Variants in ZNF236 observed in about 807,000 individuals in gnomAD.
ZNF236 encodes regulated by glucose.
Under a neutral mutation model 191.2 loss-of-function variants are expected in ZNF236, and 50 were observed. That is an observed-to-expected ratio of 0.26 (90% CI 0.21 to 0.33). The LOEUF is 0.33. ZNF236 is among the 10% of genes least tolerant of loss of function. ZNF236 has a pLI of 1.00. For missense variants in ZNF236, 1,754 were observed against 2,374.5 expected (o/e 0.74, Z 5.43); for synonymous variants, 907 against 928.8 (o/e 0.98, Z 0.43).
At chr18:76,906,676 C>T (rs1051263539) in intron 13 of ZNF236, among the ~76,000 whole-genome samples, 3 of 152,162 alleles carry the variant, frequency 2.0e-5, no homozygotes, top group Non-Finnish European at 4.4e-5. Flanking sequence ...GCTGTAATTG[C>T]GGGGTCACCT....
At chr18:76,965,645 T>C (rs1418707620) in intron 30 of ZNF236, among the ~76,000 whole-genome samples, 1 of 152,206 alleles carries the variant, frequency 6.6e-6, no homozygotes, top group East Asian at 1.9e-4. Flanking sequence ...CTATAGTGAT[T>C]GTTACCTTTA....
At chr18:76,921,058 G>A (rs948101416) in intron 20 of ZNF236, among the ~76,000 whole-genome samples, 4 of 152,218 alleles carry the variant, frequency 2.6e-5, no homozygotes, top group African/African-American at 9.6e-5. Flanking sequence ...GAAAACCAAA[G>A]GGTGTGTTCC....
At chr18:76,911,730 A>G (rs1967222759) in intron 16 of ZNF236, among the ~76,000 whole-genome samples, 1 of 152,156 alleles carries the variant, frequency 6.6e-6, no homozygotes, top group South Asian at 2.1e-4. Flanking sequence ...GTGGTTAGAA[A>G]ACATTGACCA....
rs550565975 is a variant in ZNF236 at position 76,846,812 on chromosome 18, T to G, written c.56-2714T>G. ...AACAACATTTTTCTTTTTTTTTTTT[T>G]GAGACGGAGCCTCCCTCTGTTGCCC... On this transcript the variant is annotated intron_variant, in intron 1 of 30. Coordinates refer to ENST00000320610, the MANE Select transcript of ZNF236 (RefSeq NM_001306089.2). 1.2e-4 allele frequency among the ~76,000 whole-genome samples: 19 copies of G among 152,018 alleles called. No individual in the cohort carries two copies. In the South Asian group the frequency reaches 3.5e-3, roughly 28 times the overall value.
At chr18:76,887,507 A>G (rs1977093539) in intron 9 of ZNF236, 1 of 152,194 alleles carries the variant, frequency 6.6e-6, no homozygotes, top group African/African-American at 2.4e-5. Flanking sequence ...ATATCTATAA[A>G]CCTATCATTG....
At chr18:76,853,538 G>A (rs1975945954) in intron 3 of ZNF236, among the ~76,000 whole-genome samples, 1 of 152,120 alleles carries the variant, frequency 6.6e-6, no homozygotes, top group African/African-American at 2.4e-5. Flanking sequence ...CACCCATAGT[G>A]GACTTTAACA....
intron 25 of ZNF236, chr18:76,935,884 C>T (rs959531277): frequency 2.0e-5 from 9 of 440,486 alleles, no homozygotes; most frequent in Non-Finnish European, 4.1e-5. Context: ...GATGCTGGAG[C>T]AGGCGGGAGG....
rs1383453719 is a variant in ZNF236, at chr18:76,871,713, A to C, written c.555A>C (p.Thr185=). Residue 185 remains threonine, a synonymous_variant, in exon 5 of 31, where the codon ACA becomes ACC. Coordinates refer to ENST00000320610, the MANE Select transcript of ZNF236 (RefSeq NM_001306089.2). ...TTTATTACACTAGGGTATCAAGTAC[A>C]AGGTCTTATAACCGGAATATCGACA... ...KTHYKIRVSS[T]RSYNRNIDRS... 3.1e-6 allele frequency: 5 copies of C among 1,614,098 alleles called. No individual in the cohort carries two copies. Among genetic ancestry groups the C allele is most frequent in the Non-Finnish European group, 3.4e-6 (4 of 1,180,040 alleles).
intron 3 of ZNF236, among the ~76,000 whole-genome samples, chr18:76,862,475 G>A (rs764144952): frequency 1.1e-4 from 16 of 152,086 alleles, no homozygotes; most frequent in Non-Finnish European, 2.1e-4. Context: ...AGCTAACCTT[G>A]CATCCAGGAG....
intron 2 of ZNF236, among the ~76,000 whole-genome samples, chr18:76,851,430 CA>C: frequency 6.6e-6 from 1 of 152,054 alleles, no homozygotes; most frequent in African/African-American, 2.4e-5. Context: ...CGTGCCTGGG[CA>C]CAGAAATATG....
chr18:76,884,219 G>A (rs1172080906), intron 9 of ZNF236, among the ~76,000 whole-genome samples: 1 of 151,710 alleles, frequency 6.6e-6, no homozygotes, highest in African/African-American at 2.4e-5. Context: ...GGACAACATG[G>A]TGAAACCCCG....
At chr18:76,859,407 G>A (rs1185175668) in intron 3 of ZNF236, among the ~76,000 whole-genome samples, 1 of 152,056 alleles carries the variant, frequency 6.6e-6, no homozygotes, top group Non-Finnish European at 1.5e-5. Context: ...AGAACCCAAG[G>A]GTCTGCGTAT....
rs544301769 is a variant in ZNF236, at chr18:76,904,313, C to T, written c.1895-67C>T. 1.9e-5 allele frequency: 28 copies of T among 1,455,650 alleles called. No homozygotes were observed. In the South Asian group the frequency reaches 2.2e-4, roughly 11 times the overall value. The allele number at this position is 1,455,650 out of a possible 1,614,324, so 90.2% of individuals were successfully genotyped here. ...TTCATCTTCTGGGTAAAACATGTGC[C>T]TTGTGACATTTAATTGTATTACTAG... is the stretch of plus-strand genomic sequence containing the variant. On this transcript the variant is annotated intron_variant, in intron 11 of 30. Transcript: ENST00000320610.
At chr18:76,892,097 C>G (rs1232722131) in intron 9 of ZNF236, among the ~76,000 whole-genome samples, 1 of 149,288 alleles carries the variant, frequency 6.7e-6, no homozygotes, top group Non-Finnish European at 1.5e-5. Context: ...CAGTCTTTGT[C>G]CCAAAGAATA....
rs771205942 is a variant in ZNF236 at position 76,960,979 on chromosome 18, G to T, written c.5419+124G>T. The T allele has an allele frequency of 1.2e-4, 122 of 1,050,702 alleles. No individual in the cohort carries two copies. Among genetic ancestry groups the T allele is most frequent in the Admixed American group, 1.2e-4 (4 of 34,582 alleles). The allele number at this position is 1,050,702 out of a possible 1,614,324, so 65.1% of individuals were successfully genotyped here. ...CATTGCACGTGGTACAGCCTCAGTT[G>T]TGTGGACTGGAAGCTTGTGCTTTAT... On this transcript the variant is annotated intron_variant, in intron 30 of 30. Coordinates refer to ENST00000320610, the MANE Select transcript of ZNF236 (RefSeq NM_001306089.2). The surrounding 1 kb of genome is among the most constrained non-coding windows in gnomAD (Gnocchi z 4.4).
chr18:76,950,831 A>G (rs1252714185), intron 27 of ZNF236, among the ~76,000 whole-genome samples: 1 of 152,212 alleles, frequency 6.6e-6, no homozygotes. Context: ...CAGCCTTATG[A>G]GATGTATTTC....
intron 1 of ZNF236, among the ~76,000 whole-genome samples, chr18:76,835,509 G>C (rs1975295348): frequency 8.0e-6 from 1 of 124,264 alleles, no homozygotes; most frequent in South Asian, 2.6e-4. Context: ...ATATTTTCCT[G>C]GTATAGTAAC....
chr18:76,905,138 G>A lies in ZNF236; in HGVS notation c.2037-17G>A. ...GTATAAGAAACATATTCATTAAAATGTGTATTTTTTTTTAAGATCCCATAC... is the reference window on the plus strand; with the variant it reads ...GTATAAGAAACATATTCATTAAAATATGTATTTTTTTTTAAGATCCCATAC... On this transcript the variant is annotated splice_polypyrimidine_tract_variant and intron_variant, in intron 12 of 30. Transcript: ENST00000320610. 6.3e-7 allele frequency: 1 copy of A among 1,594,376 alleles called. No individual in the cohort carries two copies. The highest frequency in any genetic ancestry group is 8.6e-7 in the Non-Finnish European group (1 of 1,168,688).
chr18:76,931,132 T>C (rs1238247894), intron 25 of ZNF236: 3 of 152,188 alleles, frequency 2.0e-5, no homozygotes, highest in Admixed American at 2.0e-4. Context: ...GAGCATAAGA[T>C]TGTTAGCGCC....
Sources: gnomAD v4.1 joint callset for allele counts (sites outside exome capture counted in the v4.1 genomes callset) on GRCh38, gnomAD v4.1.1 for gene constraint, Gnocchi (gnomAD v3.1) non-coding constraint, MANE v1.5 for transcripts, NCBI Gene and HGNC (gene_info 2026-07-23, HGNC 2026-07-21) for gene names.